Variants in GBE1 observed in about 807,000 individuals in gnomAD.
GBE1 encodes the protein 1,4-alpha-glucan branching enzyme 1.
Under a neutral mutation model 88.8 loss-of-function variants are expected in GBE1, and 70 were observed. That is an observed-to-expected ratio of 0.79 (90% CI 0.65 to 0.96). The LOEUF (loss-of-function observed/expected upper bound fraction) is 0.96. Ranked by LOEUF, GBE1 falls within the 40% of genes least tolerant of loss-of-function variation. GBE1 has a pLI of 0.00. For synonymous variants in GBE1, 284 were observed against 300.1 expected (o/e 0.95, Z 0.56); for missense variants, 872 against 871.0 (o/e 1.00, Z -0.01).
intron 1 of GBE1, among the ~76,000 whole-genome samples, chr3:81,717,345 G>T (rs1049662458): frequency 6.6e-6 from 1 of 152,144 alleles, no homozygotes; most frequent in Non-Finnish European, 1.5e-5. Flanking sequence ...TCCTCTGCAA[G>T]GTGGACCACA....
In GBE1 at chr3:81,581,237, G is replaced by T. The variant is rs781667161; in HGVS notation, c.1374C>A (p.Gly458=). The change falls in exon 11 of 16, where the codon GGC becomes GGA. Residue 458 remains glycine (G), a synonymous_variant. Coordinates refer to ENST00000429644, the MANE Select transcript of GBE1 (RefSeq NM_000158.4). ...KEFKDEDWNM[G]DIVYTLTNRR... ...TGTTTGTGAGCGTGTATACTATATC[G>T]CCCATGTTCCAGTCTTCATCTTTAA... 6.2e-7 allele frequency: 1 copy of T among 1,600,124 alleles called. No homozygotes were observed. The highest frequency in any genetic ancestry group is 8.5e-7 in the Non-Finnish European group (1 of 1,174,616).
At chr3:81,722,915 T>TATATAC (rs1347664692) in intron 1 of GBE1, among the ~76,000 whole-genome samples, 52 of 145,470 alleles carry the variant, frequency 3.6e-4, no homozygotes, top group African/African-American at 1.1e-3. Context: ...TATATATATA[T>TATATAC]ACACACAAGT....
chr3:81,675,771 CA>C (rs1185200008), intron 2 of GBE1, among the ~76,000 whole-genome samples: 2 of 151,972 alleles, frequency 1.3e-5, no homozygotes. Context: ...TCAGTTTTGG[CA>C]AAATTTTAAG....
chr3:81,636,323 A>G (rs940859283), intron 7 of GBE1, among the ~76,000 whole-genome samples: 2 of 152,198 alleles, frequency 1.3e-5, no homozygotes, highest in Non-Finnish European at 2.9e-5. Context: ...CTGAAAGGGA[A>G]AGAAAAAATA....
intron 1 of GBE1, among the ~76,000 whole-genome samples, chr3:81,727,428 G>A (rs1706129721): frequency 6.6e-6 from 1 of 152,290 alleles, no homozygotes; most frequent in Admixed American, 6.5e-5. Flanking sequence ...TACTTTTTAA[G>A]AAGGGTTATC....
At chr3:81,520,454 T>A (rs1702858070) in intron 14 of GBE1, among the ~76,000 whole-genome samples, 1 of 151,632 alleles carries the variant, frequency 6.6e-6, no homozygotes, top group African/African-American at 2.4e-5. Context: ...AAATGTGGTA[T>A]AATCATTTGT....
intron 7 of GBE1, among the ~76,000 whole-genome samples, chr3:81,608,516 CG>C (rs780175147): frequency 5.9e-5 from 9 of 152,108 alleles, no homozygotes; most frequent in Non-Finnish European, 1.2e-4. Context: ...CTAAAGGTCA[CG>C]GAATACGTTT....
At chr3:81,553,313 CT>C (rs200811684) in intron 12 of GBE1, among the ~76,000 whole-genome samples, 9,814 of 151,402 alleles carry the variant, frequency 0.065, 536 homozygotes, top group African/African-American at 0.14. Flanking sequence ...TTCTCCTGTG[CT>C]TCCACTTGCA....
At chr3:81,725,308 C>A (rs997032723) in intron 1 of GBE1, among the ~76,000 whole-genome samples, 11 of 151,916 alleles carry the variant, frequency 7.2e-5, no homozygotes, top group Non-Finnish European at 4.4e-5. Flanking sequence ...AATATATTTT[C>A]TTTCTTTAAA....
In GBE1 at chr3:81,646,451, C is replaced by T; in HGVS notation, c.723G>A (p.Met241Ile). ...GYNCIQLMAIMEHAYYASFGY... is the reference protein window; with the variant it reads ...GYNCIQLMAIIEHAYYASFGY... ...CAAAGCTGGCATAGTAAGCATGCTC[C>T]ATGATTGCCATCAACTGAATGCAGT... Residue 241 changes from methionine (M) to isoleucine (I), a missense_variant, in exon 6 of 16, where the codon ATG becomes ATA. Met to Ile is a conservative substitution (Grantham distance 10). Transcript: ENST00000429644. The T allele has an allele frequency of 6.2e-7, 1 of 1,603,622 alleles. No individual in the cohort carries two copies. The highest frequency in any genetic ancestry group is 8.5e-7 in the Non-Finnish European group (1 of 1,174,872).
rs371839906 is a variant in GBE1 at position 81,739,544 on chromosome 3, G to C, written c.143+21831C>G. Among the ~76,000 whole-genome samples the C allele has an allele frequency of 4.6e-5, 7 of 152,216 alleles. No individual in the cohort carries two copies. The East Asian group carries it at 1.4e-3, about 29-fold the overall frequency. On this transcript the variant is annotated intron_variant, in intron 1 of 15. Transcript: ENST00000429644. ...TTTCTAGAAGACAACATATTGCCTGGCAAATATTGAGTGAGTTAACGCCTG... is the reference window on the plus strand; with the variant it reads ...TTTCTAGAAGACAACATATTGCCTGCCAAATATTGAGTGAGTTAACGCCTG...
chr3:81,612,254 C>T, intron 7 of GBE1: 2 of 384,770 alleles, frequency 5.2e-6, no homozygotes, highest in African/African-American at 2.4e-5. Context: ...CTTAAAGAAG[C>T]TCTCTGGTTC....
chr3:81,505,003 C>A (rs759797166), intron 14 of GBE1, among the ~76,000 whole-genome samples: 1 of 152,054 alleles, frequency 6.6e-6, no homozygotes, highest in African/African-American at 2.4e-5. Flanking sequence ...GATGGCAGAG[C>A]GGGTAAGTTA....
At chr3:81,562,623 G>A (rs753968922) in intron 12 of GBE1, among the ~76,000 whole-genome samples, 1 of 151,972 alleles carries the variant, frequency 6.6e-6, no homozygotes, top group Non-Finnish European at 1.5e-5. Flanking sequence ...GCACTGCCTT[G>A]CTCTGAGTAA....
At chr3:81,644,883 T>C (rs994771030) in intron 6 of GBE1, among the ~76,000 whole-genome samples, 1 of 152,118 alleles carries the variant, frequency 6.6e-6, no homozygotes, top group Non-Finnish European at 1.5e-5. Context: ...CTAGATTTTT[T>C]AATAGCTAGC....
chr3:81,739,852 T>C (rs1208449325), intron 1 of GBE1, among the ~76,000 whole-genome samples: 1 of 152,164 alleles, frequency 6.6e-6, no homozygotes, highest in Non-Finnish European at 1.5e-5. Context: ...CAAAAACACA[T>C]ATCCAAACAT....
At chr3:81,723,317 G>A (rs1706063373) in intron 1 of GBE1, among the ~76,000 whole-genome samples, 1 of 147,466 alleles carries the variant, frequency 6.8e-6, no homozygotes, top group African/African-American at 2.5e-5. Flanking sequence ...TAGCCAGGAT[G>A]GTCTTGATCT....
chr3:81,717,298 G>C (rs1705951504), intron 1 of GBE1, among the ~76,000 whole-genome samples: 1 of 152,172 alleles, frequency 6.6e-6, no homozygotes, highest in East Asian at 1.9e-4. Flanking sequence ...ACGTGGCAAA[G>C]ACCAGAGGTA....
rs886058899 is a variant in GBE1 at position 81,489,849 on chromosome 3, A to G, written c.*558T>C. The G allele has an allele frequency of 5.3e-5, 8 of 152,186 alleles. No homozygotes were observed. The highest frequency in any genetic ancestry group is 5.2e-4 in the Admixed American group (8 of 15,260). The allele number at this position is 152,186 out of a possible 1,614,324, so 9.4% of individuals were successfully genotyped here. A position where few individuals can be genotyped will look rare whatever the true frequency, so the allele number is the denominator to read the frequency against. ...ATCACAAAATAAAACACAAAATGAG[A>G]CACGGATGAGTTCATACGTAATGGC... On this transcript the variant is annotated 3_prime_UTR_variant, in exon 16 of 16. Coordinates refer to ENST00000429644, the MANE Select transcript of GBE1 (RefSeq NM_000158.4).
Sources: gnomAD v4.1 joint callset for allele counts (sites outside exome capture counted in the v4.1 genomes callset) on GRCh38, gnomAD v4.1.1 for gene constraint, MANE v1.5 for transcripts, NCBI Gene and HGNC (gene_info 2026-07-23, HGNC 2026-07-21) for gene names.